RSF1: variants seen among roughly 807,000 people sequenced by gnomAD.
The protein encoded by RSF1 is remodeling and spacing factor 1.
Under a neutral mutation model 145.2 loss-of-function variants are expected in RSF1, and 13 were observed. That is an observed-to-expected ratio of 0.09 (90% CI 0.06 to 0.14). The LOEUF (loss-of-function observed/expected upper bound fraction) is 0.14, where lower values mean the gene tolerates loss of function less well. RSF1 is among the 10% of genes least tolerant of loss of function. The probability of loss-of-function intolerance (pLI) is 1.00; values close to 1 mark genes in which losing one functional copy is unlikely to be tolerated. For missense variants in RSF1, 1,517 were observed against 1,718.2 expected (o/e 0.88, Z 2.07); for synonymous variants, 577 against 592.6 (o/e 0.97, Z 0.38).
intron 2 of RSF1, chr11:77,764,375 CAAAAGAGATAT>C: frequency 2.2e-6 from 1 of 463,910 alleles, no homozygotes; most frequent in Non-Finnish European, 3.8e-6. Flanking sequence ...GTGTTAGGCA[CAAAAGAGATAT>C]AACACTTCTG....
At chr11:77,746,284 G>C (rs1011471387) in intron 3 of RSF1, among the ~76,000 whole-genome samples, 3 of 152,022 alleles carry the variant, frequency 2.0e-5, no homozygotes, top group Non-Finnish European at 2.9e-5. Flanking sequence ...GGTATCTTTT[G>C]GATCTTGAAG....
chr11:77,705,849 T>C (rs1424159090), intron 5 of RSF1, among the ~76,000 whole-genome samples: 2 of 151,416 alleles, frequency 1.3e-5, no homozygotes, highest in Non-Finnish European at 2.9e-5. Flanking sequence ...CAAGACCCTG[T>C]CTCAAAAAAA....
At chr11:77,804,393 C>CTA (rs1291627514) in intron 1 of RSF1, among the ~76,000 whole-genome samples, 1 of 152,188 alleles carries the variant, frequency 6.6e-6, no homozygotes, top group Non-Finnish European at 1.5e-5. Context: ...GGGACCCCAC[C>CTA]TATAGCTGGC....
intron 1 of RSF1, among the ~76,000 whole-genome samples, chr11:77,777,371 C>T (rs967992992): frequency 3.9e-5 from 6 of 152,068 alleles, no homozygotes; most frequent in Admixed American, 6.5e-5. Flanking sequence ...GCGGGTGGAT[C>T]CCCTGAGGTC....
intron 2 of RSF1, among the ~76,000 whole-genome samples, chr11:77,761,066 T>G (rs566723301): frequency 1.3e-5 from 2 of 152,128 alleles, no homozygotes; most frequent in East Asian, 3.9e-4. Context: ...TGCCTCAGCC[T>G]CCGGAGTAGC....
Position 77,698,543 on chromosome 11 carries a change from G to A in RSF1, c.2659C>T (p.Leu887=). The change falls in exon 7 of 16, where the codon CTA becomes TTA. Residue 887 remains leucine (L), a synonymous_variant. Transcript: ENST00000308488. ...EEEKESEEAI[L]ADDDEPCKKC... Reference sequence around the variant, plus strand: ...TTGCATGGTTCATCATCATCTGCTAGGATGGCTTCTTCACTTTCCTTTTCT... The same window carrying A: ...TTGCATGGTTCATCATCATCTGCTAAGATGGCTTCTTCACTTTCCTTTTCT... The A allele has an allele frequency of 1.2e-6, 2 of 1,614,086 alleles. No homozygotes were observed. The highest frequency in any genetic ancestry group is 2.2e-5 in the East Asian group (1 of 44,872).
intron 8 of RSF1, among the ~76,000 whole-genome samples, chr11:77,692,681 GT>G (rs71046905): frequency 0.71 from 97,791 of 136,912 alleles, 34,772 homozygotes; most frequent in African/African-American, 0.84. Flanking sequence ...GCCTGGCGGT[GT>G]TTTTTTTTTT....
At chr11:77,823,658 G>A (rs1331298064), upstream of RSF1, among the ~76,000 whole-genome samples, 2 of 143,416 alleles carry the variant, frequency 1.4e-5, no homozygotes, top group East Asian at 4.0e-4. Flanking sequence ...ATTTGACCCA[G>A]AATACAGTTT....
the RSF1 span, among the ~76,000 whole-genome samples, chr11:77,848,935 T>C: frequency 6.6e-6 from 1 of 152,010 alleles, no homozygotes; most frequent in Non-Finnish European, 1.5e-5. Flanking sequence ...GAAGTAGAAG[T>C]ATGTGCCACA....
intron 1 of RSF1, among the ~76,000 whole-genome samples, chr11:77,783,640 G>C (rs1300337044): frequency 6.6e-6 from 1 of 152,076 alleles, no homozygotes; most frequent in Non-Finnish European, 1.5e-5. Flanking sequence ...CCAGGAGTTT[G>C]AGACCAGCCT....
At chr11:77,820,410 CA>C in intron 1 of RSF1, 117 bp downstream of exon 1, 2 of 1,106,942 alleles carry the variant, frequency 1.8e-6, no homozygotes, top group African/African-American at 3.2e-5. Context: ...AGTTGCGTCC[CA>C]GGGGGAAGAC....
chr11:77,771,145 G>A (rs1034464719), intron 1 of RSF1, among the ~76,000 whole-genome samples: 1 of 152,174 alleles, frequency 6.6e-6, no homozygotes, highest in Non-Finnish European at 1.5e-5. Context: ...AAGAAAGAAT[G>A]ACGTGACAGT....
intron 5 of RSF1, among the ~76,000 whole-genome samples, chr11:77,711,495 C>A (rs1231490638): frequency 6.6e-6 from 1 of 151,996 alleles, no homozygotes; most frequent in Non-Finnish European, 1.5e-5. Context: ...GGTGAAACAC[C>A]ATCTGTACTA....
intron 5 of RSF1, among the ~76,000 whole-genome samples, chr11:77,706,293 C>T (rs1035682697): frequency 6.6e-6 from 1 of 151,094 alleles, no homozygotes; most frequent in Admixed American, 6.6e-5. Flanking sequence ...CAAACCTTAA[C>T]GCTCTTGTGT....
intron 1 of RSF1, among the ~76,000 whole-genome samples, chr11:77,815,782 C>T (rs1948776103): frequency 6.6e-6 from 1 of 152,128 alleles, no homozygotes; most frequent in Admixed American, 6.5e-5. Context: ...ACTGTAGCTA[C>T]ATCTGTACAT....
At chr11:77,726,427 A>T (rs1961055189) in intron 4 of RSF1, among the ~76,000 whole-genome samples, 1 of 152,186 alleles carries the variant, frequency 6.6e-6, no homozygotes. Flanking sequence ...CAGCCTCCCA[A>T]GTAGCTAGGA....
At chr11:77,781,790 T>A (rs565202134) in intron 1 of RSF1, among the ~76,000 whole-genome samples, 1 of 152,370 alleles carries the variant, frequency 6.6e-6, no homozygotes, top group South Asian at 2.1e-4. Flanking sequence ...AATTTCCAGT[T>A]ATAACTGCAT....
At chr11:77,693,744 T>A (rs1960214164) in intron 7 of RSF1, 133 bp from the exon 8 acceptor site, 1 of 392,990 alleles carries the variant, frequency 2.5e-6, no homozygotes, top group Non-Finnish European at 4.6e-6. Flanking sequence ...ATAAAAAAGC[T>A]CTGATGATTA....
At chr11:77,708,506 A>G (rs1960605356) in intron 5 of RSF1, among the ~76,000 whole-genome samples, 1 of 152,200 alleles carries the variant, frequency 6.6e-6, no homozygotes. Context: ...AATGCTTTGC[A>G]TTTCATATCC....
Sources: gnomAD v4.1 joint callset for allele counts (sites outside exome capture counted in the v4.1 genomes callset) on GRCh38, gnomAD v4.1.1 for gene constraint, MANE v1.5 for transcripts, NCBI Gene and HGNC (gene_info 2026-07-23, HGNC 2026-07-21) for gene names.